The following PSTPIP1 variants were observed in gnomAD, a reference collection of about 807,000 sequenced individuals.
PSTPIP1 encodes the protein proline-serine-threonine phosphatase-interacting protein 1.
Under a neutral mutation model 69.6 loss-of-function variants are expected in PSTPIP1, and 66 were observed. That is an observed-to-expected ratio of 0.95 (90% CI 0.78 to 1.16). The LOEUF (loss-of-function observed/expected upper bound fraction) is 1.16. Ranked by LOEUF, PSTPIP1 falls within the 50% of genes most tolerant of loss-of-function variation. The pLI, the probability that PSTPIP1 is intolerant of heterozygous loss-of-function variation, is 0.00. For synonymous variants in PSTPIP1, 266 were observed against 222.7 expected, an observed-to-expected ratio of 1.19 and a Z score of -1.73; for missense variants, 603 against 557.4, an observed-to-expected ratio of 1.08 and a Z score of -0.82.
At chr15:77,013,840 C>T (rs558948357) in intron 1 of PSTPIP1, among the ~76,000 whole-genome samples, 77 of 152,318 alleles carry the variant, frequency 5.1e-4, no homozygotes, top group African/African-American at 1.8e-3. Flanking sequence ...CTGATAGATG[C>T]TGTATTCTGG....
At chr15:77,014,862 C>G (rs2076018545) in intron 1 of PSTPIP1, among the ~76,000 whole-genome samples, 1 of 152,264 alleles carries the variant, frequency 6.6e-6, no homozygotes. Context: ...TCCCAAGAGC[C>G]TCCTCCTGGA....
chr15:77,025,033 A>G (rs954112117), intron 3 of PSTPIP1, among the ~76,000 whole-genome samples: 2 of 151,898 alleles, frequency 1.3e-5, no homozygotes, highest in African/African-American at 4.8e-5. Flanking sequence ...GGCCTTCGGT[A>G]CCTCCTCCTT....
At position 77,000,047 on chromosome 15, in the gene PSTPIP1, C is replaced by T. The variant is rs559775969; in HGVS notation, c.36+4438C>T. Among the ~76,000 whole-genome samples, 4 of 152,330 alleles carry T rather than the reference C, an allele frequency of 2.6e-5. No homozygotes were observed. In the East Asian group the frequency reaches 5.8e-4, roughly 22 times the overall value. ...CCAAGGGGGTATGGGGACAATAGGC[C>T]TGAACTTTCCCCTTGACATGTGGGT... On this transcript the variant is annotated intron_variant, in intron 1 of 14. Coordinates refer to ENST00000558012, the MANE Select transcript of PSTPIP1 (RefSeq NM_003978.5).
intron 6 of PSTPIP1, chr15:77,028,341 A>C: frequency 1.9e-6 from 1 of 530,536 alleles, no homozygotes; most frequent in South Asian, 2.5e-5. Context: ...CGCTGTCCTC[A>C]GTGGGGAGGG....
At position 77,037,376 on chromosome 15, in the gene PSTPIP1, G is replaced by A; in HGVS notation, c.*200G>A. ...CGTTCTCTTTTTCTCCTGCTCCAGTGTCCGAGTGCTCAGTTCAGAGGAGGC... is the reference window on the plus strand; with the variant it reads ...CGTTCTCTTTTTCTCCTGCTCCAGTATCCGAGTGCTCAGTTCAGAGGAGGC... On this transcript the variant is annotated 3_prime_UTR_variant, in exon 15 of 15. Coordinates refer to ENST00000558012, the MANE Select transcript of PSTPIP1 (RefSeq NM_003978.5). 1 of 631,614 alleles carries A rather than the reference G, an allele frequency of 1.6e-6. No individual in the cohort carries two copies. Among genetic ancestry groups the A allele is most frequent in the Non-Finnish European group, 2.5e-6 (1 of 394,394 alleles). The allele number at this position is 631,614 out of a possible 1,614,324, so 39.1% of individuals were successfully genotyped here. A position where few individuals can be genotyped will look rare whatever the true frequency, so the allele number is the denominator to read the frequency against.
In PSTPIP1 at chr15:77,025,714, G is replaced by A. The variant is rs898469663; in HGVS notation, c.354+110G>A. ...GTAGAGCCAGTGGAGGGCGGCAGGG[G>A]TGGTGGTGGGACAGCACTCCAGGCT... On this transcript the variant is annotated intron_variant, in intron 5 of 14. Transcript: ENST00000558012. 2.3e-5 allele frequency: 18 copies of A among 774,568 alleles called. 2 individuals carry two copies. The highest frequency in any genetic ancestry group is 3.6e-5 in the Non-Finnish European group (18 of 498,548). The allele number at this position is 774,568 out of a possible 1,614,324, so 48.0% of individuals were successfully genotyped here. A position where few individuals can be genotyped will look rare whatever the true frequency, so the allele number is the denominator to read the frequency against.
At chr15:77,017,915 C>T (rs188597511) in intron 1 of PSTPIP1, among the ~76,000 whole-genome samples, 6 of 152,342 alleles carry the variant, frequency 3.9e-5, no homozygotes, top group Non-Finnish European at 7.4e-5. Flanking sequence ...CCGGCACCCC[C>T]GGCCCTGTCA....
chr15:77,036,419 C>T lies in PSTPIP1; in HGVS notation c.1119+484C>T, dbSNP rs147740780. ...GTGGAAAACTGTGGCCAGAATGAGT[C>T]TTGCTATCGTGCCAGGATTGATTTT... On this transcript the variant is annotated intron_variant, in intron 14 of 14. Transcript: ENST00000558012. Among the ~76,000 whole-genome samples, 1,491 of 152,278 alleles carry T rather than the reference C, an allele frequency of 9.8e-3. 13 individuals are homozygous for T. The highest frequency in any genetic ancestry group is 0.015 in the Non-Finnish European group (1,022 of 68,022).
intron 1 of PSTPIP1, among the ~76,000 whole-genome samples, chr15:77,015,569 C>T (rs4886508): frequency 0.39 from 59,428 of 151,892 alleles, 13,482 homozygotes; most frequent in Middle Eastern, 0.57. Flanking sequence ...AGGGTAGGTC[C>T]CCTGGGGGTG....
chr15:77,028,662 G>C lies in PSTPIP1; in HGVS notation c.516+10G>C, dbSNP rs889309325. ...GAAGCAGGTGGAGAAGGTGCGCTGG[G>C]CTGCTGGGCCGTGTGGGTCGCCCAG... On this transcript the variant is annotated intron_variant, in intron 7 of 14. Transcript: ENST00000558012. The C allele has an allele frequency of 6.5e-7, 1 of 1,547,662 alleles. No homozygotes were observed. The highest frequency in any genetic ancestry group is 8.7e-7 in the Non-Finnish European group (1 of 1,144,198).
chr15:77,028,652 G>A lies in PSTPIP1; in HGVS notation c.516G>A (p.Lys172=), dbSNP rs887917369. ...SANGHQKQVE[K]SQNKARQCKD... ...ACGGCCACCAGAAGCAGGTGGAGAAGGTGCGCTGGGCTGCTGGGCCGTGTG... is the reference window on the plus strand; with the variant it reads ...ACGGCCACCAGAAGCAGGTGGAGAAAGTGCGCTGGGCTGCTGGGCCGTGTG... Residue 172 remains lysine (K), a splice_region_variant and synonymous_variant, in exon 7 of 15, where the codon AAG becomes AAA. Coordinates refer to ENST00000558012, the MANE Select transcript of PSTPIP1 (RefSeq NM_003978.5). The A allele has an allele frequency of 1.7e-5, 26 of 1,561,670 alleles. No homozygotes were observed. The Admixed American group carries it at 4.0e-4, about 24-fold the overall frequency.
intron 1 of PSTPIP1, chr15:77,015,661 A>T (rs1042627962): frequency 1.9e-5 from 6 of 316,394 alleles, no homozygotes; most frequent in African/African-American, 1.1e-4. Context: ...TCCTAAACAC[A>T]TCCTGAGCCT....
chr15:77,028,704 G>A (rs1169680056), intron 7 of PSTPIP1, 52 bp downstream of exon 7: 2 of 1,421,018 alleles, frequency 1.4e-6, no homozygotes, highest in African/African-American at 1.4e-5. Context: ...GGGCAGTGGG[G>A]GAGGCAAGGA....
chr15:77,025,268 C>T lies in PSTPIP1; in HGVS notation c.213-16C>T, dbSNP rs369508601. ...TGTGCTCTCCTCCTCCTGACCTGGA[C>T]CCATCTGTTTTGCAGCTCCCTGAGG... On this transcript the variant is annotated splice_polypyrimidine_tract_variant and intron_variant, in intron 3 of 14. Transcript: ENST00000558012. 1 of 1,606,038 alleles carries T rather than the reference C, an allele frequency of 6.2e-7. No homozygotes were observed. The highest frequency in any genetic ancestry group is 8.5e-7 in the Non-Finnish European group (1 of 1,172,786).
In PSTPIP1 at chr15:77,027,466, T is replaced by C. The variant is rs1353835408; in HGVS notation, c.355-386T>C. ...GGGATGGGGCCTGTGTGCCTCCGAG[T>C]TAATGTGGAACTCTGCATGTATGTG... On this transcript the variant is annotated intron_variant, in intron 5 of 14. Transcript: ENST00000558012. This position sits in a 1 kb window ranked among gnomAD's most constrained non-coding sequence, Gnocchi z 4.3. Among the ~76,000 whole-genome samples, 2 of 151,918 alleles carry C rather than the reference T, an allele frequency of 1.3e-5. No individual in the cohort carries two copies. Among genetic ancestry groups the C allele is most frequent in the African/African-American group, 4.8e-5 (2 of 41,332 alleles).
At chr15:77,005,502 G>A (rs1156495595) in intron 1 of PSTPIP1, among the ~76,000 whole-genome samples, 1 of 152,212 alleles carries the variant, frequency 6.6e-6, no homozygotes, top group African/African-American at 2.4e-5. Flanking sequence ...AGTTTTGGGG[G>A]TGGTGGTAAT....
intron 10 of PSTPIP1, 100 bp from the exon 11 acceptor site, chr15:77,032,198 C>A: frequency 8.2e-7 from 1 of 1,218,462 alleles, no homozygotes. Context: ...GCACAATGGC[C>A]TGTGAGGAGG....
intron 8 of PSTPIP1, 35 bp downstream of exon 8, chr15:77,029,609 G>A (rs374537305): frequency 1.4e-5 from 21 of 1,553,568 alleles, no homozygotes; most frequent in South Asian, 9.5e-5. Flanking sequence ...CGACCAGGGC[G>A]GAGGCCTGGG....
At chr15:77,033,438 C>CTGAG (rs1387718426) in intron 12 of PSTPIP1, among the ~76,000 whole-genome samples, 3 of 152,186 alleles carry the variant, frequency 2.0e-5, no homozygotes, top group Non-Finnish European at 4.4e-5. Flanking sequence ...GGCCAGGGCC[C>CTGAG]TGAGTGTTGG....
Sources: gnomAD v4.1 joint callset for allele counts (sites outside exome capture counted in the v4.1 genomes callset) on GRCh38, gnomAD v4.1.1 for gene constraint, Gnocchi (gnomAD v3.1) non-coding constraint, MANE v1.5 for transcripts, NCBI Gene and HGNC (gene_info 2026-07-23, HGNC 2026-07-21) for gene names.